Variants in RHOBTB2 observed in about 807,000 individuals in gnomAD.
RHOBTB2 encodes the protein rho-related BTB domain-containing protein 2.
In RHOBTB2, 39 loss-of-function variants were observed where a neutral mutation model predicts 66.5. The ratio of observed to expected loss-of-function variants is 0.59; its 90% CI spans 0.45 to 0.77. The LOEUF is 0.77. Among genes scored for constraint, RHOBTB2 ranks in the 30% least tolerant of loss-of-function variants. The probability of loss-of-function intolerance (pLI) is 0.00; values close to 1 mark genes in which losing one functional copy is unlikely to be tolerated. For missense variants in RHOBTB2, 755 were observed against 999.1 expected (o/e 0.76, Z 3.29); for synonymous variants, 390 against 395.0 (o/e 0.99, Z 0.15).
chr8:22,968,940 T>C, the RHOBTB2 span, among the ~76,000 whole-genome samples: 1 of 150,810 alleles, frequency 6.6e-6, no homozygotes, highest in Non-Finnish European at 1.5e-5. Context: ...TTTTACAAGA[T>C]AAAAATCTGG....
chr8:23,011,238 A>T (rs1165516918), intron 7 of RHOBTB2, among the ~76,000 whole-genome samples: 1 of 152,200 alleles, frequency 6.6e-6, no homozygotes, highest in African/African-American at 2.4e-5. Flanking sequence ...TGGGTGACAG[A>T]GTGAAACTGT....
chr8:22,972,943 C>T, the RHOBTB2 span, among the ~76,000 whole-genome samples: 1 of 152,224 alleles, frequency 6.6e-6, no homozygotes. Context: ...GGTGCAGTTT[C>T]CCGGGAAGGC....
rs1339416326 is a variant in RHOBTB2, at chr8:23,007,221, C to T, written c.976C>T (p.His326Tyr). Residue 326 changes from histidine to tyrosine, a missense_variant, in exon 5 of 10, where the codon CAC (histidine) becomes TAC (tyrosine). By Grantham distance (83) the His-to-Tyr change is moderately conservative. This residue lies in a region of RHOBTB2 where 247 missense variants were observed against 238.9 expected (regional missense o/e 1.03). Transcript: ENST00000251822. Reference protein sequence around the residue: ...PEDHQGHSDQHHHHHHHHHGR... With the variant: ...PEDHQGHSDQYHHHHHHHHGR... The stretch of plus-strand genomic sequence containing the variant: ...GGACCACCAGGGCCACTCTGATCAA[C>T]ACCACCACCATCACCACCACCACCA... The T allele has an allele frequency of 6.2e-7, 1 of 1,608,482 alleles. No individual in the cohort carries two copies. Among genetic ancestry groups the T allele is most frequent in the East Asian group, 2.2e-5 (1 of 44,876 alleles).
chr8:23,013,786 G>A (rs1233922548), intron 7 of RHOBTB2, among the ~76,000 whole-genome samples: 13 of 152,224 alleles, frequency 8.5e-5, no homozygotes, highest in Non-Finnish European at 1.5e-4. Context: ...GTGAGCCACC[G>A]TGCCCGGCCA....
the RHOBTB2 span, among the ~76,000 whole-genome samples, chr8:22,958,774 C>A: frequency 8.8e-6 from 1 of 113,110 alleles, no homozygotes; most frequent in South Asian, 3.1e-4. Context: ...TGCACTCCAG[C>A]CTGGGTGACA....
In RHOBTB2 at chr8:23,007,374, G is replaced by C. The variant is rs760140573; in HGVS notation, c.1129G>C (p.Gly377Arg). The C allele has an allele frequency of 6.2e-6, 10 of 1,613,982 alleles. No homozygotes were observed. Among genetic ancestry groups the C allele is most frequent in the Non-Finnish European group, 8.5e-6 (10 of 1,180,004 alleles). The change falls in exon 5 of 10, where the codon GGG (glycine) becomes CGG (arginine). Residue 377 changes from glycine to arginine, a missense_variant. Transcript: ENST00000251822. ...CGGGATCTTACGGGGCAACGGAACA[G>C]GGTACCTACCGGGCAGGGGTCGTGT... is the stretch of plus-strand genomic sequence containing the variant. Reference protein sequence around the residue: ...SDGILRGNGTGYLPGRGRVLS... With the variant: ...SDGILRGNGTRYLPGRGRVLS...
At chr8:22,990,863 G>C (rs914894640) in intron 1 of RHOBTB2, among the ~76,000 whole-genome samples, 1 of 152,116 alleles carries the variant, frequency 6.6e-6, no homozygotes, top group Non-Finnish European at 1.5e-5. Flanking sequence ...TCGGCTTCTT[G>C]CCTCTCCAGT....
chr8:22,979,464 T>C, the RHOBTB2 span, among the ~76,000 whole-genome samples: 1 of 152,278 alleles, frequency 6.6e-6, no homozygotes, highest in South Asian at 2.1e-4. Context: ...TGTACAATCA[T>C]GTACTGTGGA....
intron 6 of RHOBTB2, among the ~76,000 whole-genome samples, chr8:23,009,515 C>T (rs145262622): frequency 1.3e-5 from 2 of 152,298 alleles, no homozygotes; most frequent in East Asian, 1.9e-4. Flanking sequence ...GAGTTCTGAA[C>T]GTCCACACCG....
rs752405967 is a variant in RHOBTB2, at chr8:23,005,353, T to C, written c.193-19T>C. ...CAAAACTGCTGCCTTCGAGTCCCAC[T>C]CTTCCTCCCCGTCCCCAGGTGCTGG... On this transcript the variant is annotated intron_variant, in intron 2 of 9. Coordinates refer to ENST00000251822, the MANE Select transcript of RHOBTB2 (RefSeq NM_015178.3). 1.6e-5 allele frequency: 25 copies of C among 1,597,726 alleles called. No homozygotes were observed. The highest frequency in any genetic ancestry group is 3.3e-4 in the Middle Eastern group (2 of 5,996).
chr8:23,002,564 C>T (rs930351580), intron 1 of RHOBTB2, among the ~76,000 whole-genome samples: 1 of 152,270 alleles, frequency 6.6e-6, no homozygotes, highest in Non-Finnish European at 1.5e-5. Context: ...GTGGCACACA[C>T]CTGTAATCCC....
chr8:22,996,561 G>GTC (rs1563286339), upstream of RHOBTB2, among the ~76,000 whole-genome samples: 30 of 109,342 alleles, frequency 2.7e-4, no homozygotes, highest in Non-Finnish European at 3.8e-4. Flanking sequence ...GTGTGTGTGT[G>GTC]TGTGTGTCTG....
chr8:22,979,483 T>C, the RHOBTB2 span, among the ~76,000 whole-genome samples: 12 of 152,142 alleles, frequency 7.9e-5, no homozygotes, highest in Non-Finnish European at 1.5e-4. Context: ...GATGTGTGTG[T>C]GTGCACGCAT....
chr8:23,001,960 G>A lies in RHOBTB2; in HGVS notation c.-11+1855G>A, dbSNP rs576316881. 5.9e-5 allele frequency among the ~76,000 whole-genome samples: 9 copies of A among 152,328 alleles called. No individual in the cohort carries two copies. In the South Asian group the frequency reaches 1.9e-3, roughly 32 times the overall value. ...GGCTGACCACTGCTTAACTCTAGAG[G>A]TGACATAGCACAGGTGGGCAGCAGT... On this transcript the variant is annotated intron_variant, in intron 1 of 9. Transcript: ENST00000251822.
chr8:22,952,905 CA>C, the RHOBTB2 span, among the ~76,000 whole-genome samples: 5 of 147,664 alleles, frequency 3.4e-5, no homozygotes, highest in African/African-American at 5.0e-5. Context: ...AACTCCTGTT[CA>C]AAAAAAAAAG....
chr8:22,983,528 G>A (rs914085222), upstream of RHOBTB2, among the ~76,000 whole-genome samples: 3 of 151,716 alleles, frequency 2.0e-5, no homozygotes, highest in African/African-American at 2.4e-5. Context: ...AAACTCTGAG[G>A]TTGACAGTTC....
chr8:22,985,838 G>A (rs900486795), upstream of RHOBTB2, among the ~76,000 whole-genome samples: 2 of 152,152 alleles, frequency 1.3e-5, no homozygotes, highest in African/African-American at 4.8e-5. Flanking sequence ...GGAGTTACAT[G>A]TAAGGGCATT....
intron 1 of RHOBTB2, among the ~76,000 whole-genome samples, chr8:23,002,880 G>C (rs1810826839): frequency 6.6e-6 from 1 of 152,190 alleles, no homozygotes. Context: ...TTTTTGCTTA[G>C]GTTGCTGAGA....
At chr8:22,974,865 G>A in the RHOBTB2 span, among the ~76,000 whole-genome samples, 13 of 152,086 alleles carry the variant, frequency 8.5e-5, no homozygotes, top group African/African-American at 3.1e-4. Flanking sequence ...CCTGCTACAC[G>A]AACTTTAAAG....
Sources: allele counts gnomAD v4.1 joint callset (sites outside exome capture counted in the v4.1 genomes callset), GRCh38; gene constraint gnomAD v4.1.1; regional missense constraint gnomAD v4.1.1; transcripts MANE v1.5; gene names NCBI Gene and HGNC (gene_info 2026-07-23, HGNC 2026-07-21).